The following CYP2B6 variants were observed in gnomAD, a reference collection of about 807,000 sequenced individuals.
CYP2B6 encodes cytochrome P450 2B6.
CYP2B6 carries 35 observed loss-of-function variants against 43.4 expected under a neutral mutation model. That is an observed-to-expected ratio of 0.81 (90% CI 0.62 to 1.07). The LOEUF (loss-of-function observed/expected upper bound fraction) is 1.07, where lower values mean the gene tolerates loss of function less well. CYP2B6 is among the 50% of genes least tolerant of loss of function. The probability of loss-of-function intolerance (pLI) is 0.00; values close to 1 mark genes in which losing one functional copy is unlikely to be tolerated. For synonymous variants in CYP2B6, 239 were observed against 239.2 expected (o/e 1.00, Z 0.01); for missense variants, 624 against 632.8 (o/e 0.99, Z 0.15).
In CYP2B6 at chr19:41,012,279, G is replaced by C. The variant is rs201961061; in HGVS notation, c.965-19G>C. ...ATGCCTCTTTAAAATGAGATTCATT[G>C]GTCTTCTTTTCTGTACAGAGAGAGT... On this transcript the variant is annotated intron_variant, in intron 6 of 8. Coordinates refer to ENST00000324071, the MANE Select transcript of CYP2B6 (RefSeq NM_000767.5). 2 of 1,612,612 alleles carry C rather than the reference G, an allele frequency of 1.2e-6. No individual in the cohort carries two copies. The highest frequency in any genetic ancestry group is 4.5e-5 in the East Asian group (2 of 44,864).
At chr19:41,006,432 G>A (rs1969187993) in intron 3 of CYP2B6, among the ~76,000 whole-genome samples, 1 of 151,120 alleles carries the variant, frequency 6.6e-6, no homozygotes, top group South Asian at 2.1e-4. Context: ...GGGTTTAGAG[G>A]TATGGGCCCC....
chr19:41,000,978 G>C (rs1165919475), intron 1 of CYP2B6, among the ~76,000 whole-genome samples: 2 of 152,064 alleles, frequency 1.3e-5, no homozygotes. Context: ...GGCGGAGTTT[G>C]CCCTGAGCTG....
chr19:41,007,052 C>A lies in CYP2B6; in HGVS notation c.632C>A (p.Ser211Tyr). 1 of 1,614,070 alleles carries A rather than the reference C, an allele frequency of 6.2e-7. No homozygotes were observed. Among genetic ancestry groups the A allele is most frequent in the African/African-American group, 1.3e-5 (1 of 74,968 alleles). ...LFYQTFSLIS[S>Y]VFGQLFELFS... Reference sequence around the variant, plus strand: ...TACCAGACTTTTTCACTCATCAGCTCTGTATTCGGCCAGGTCAGGGAGACG... The same window carrying A: ...TACCAGACTTTTTCACTCATCAGCTATGTATTCGGCCAGGTCAGGGAGACG... Residue 211 changes from serine to tyrosine, a missense_variant, in exon 4 of 9, where the codon TCT becomes TAT. Coordinates refer to ENST00000324071, the MANE Select transcript of CYP2B6 (RefSeq NM_000767.5).
chr19:41,009,986 G>A lies in CYP2B6; in HGVS notation c.823-8G>A, dbSNP rs1328130793. On this transcript the variant is annotated splice_polypyrimidine_tract_variant and splice_region_variant and intron_variant, in intron 5 of 8. Coordinates refer to ENST00000324071, the MANE Select transcript of CYP2B6 (RefSeq NM_000767.5). ...GACCCTCCCCTTCCTTCCCTACTGT[G>A]GACGCAGGAGAAATCCAACGCACAC... is the stretch of plus-strand genomic sequence containing the variant. 4.3e-6 allele frequency: 7 copies of A among 1,614,042 alleles called. No individual in the cohort carries two copies. The highest frequency in any genetic ancestry group is 2.2e-5 in the South Asian group (2 of 91,076).
At chr19:40,998,159 T>TTTAA (rs1231190790) in intron 1 of CYP2B6, among the ~76,000 whole-genome samples, 3 of 151,942 alleles carry the variant, frequency 2.0e-5, no homozygotes, top group Admixed American at 6.6e-5. Context: ...TGTGTATAGG[T>TTTAA]TTAAATGCTG....
chr19:41,005,599 G>A (rs1052269834), intron 3 of CYP2B6, among the ~76,000 whole-genome samples: 9 of 151,994 alleles, frequency 5.9e-5, no homozygotes, highest in African/African-American at 2.2e-4. Flanking sequence ...TGGCCAACAT[G>A]GTGAAACCCC....
chr19:41,015,725 G>C (rs1265224705), intron 8 of CYP2B6, among the ~76,000 whole-genome samples: 1 of 151,932 alleles, frequency 6.6e-6, no homozygotes, highest in Non-Finnish European at 1.5e-5. Context: ...TGAAGCCTGT[G>C]GATCTCAGGC....
At chr19:41,002,428 G>A (rs532410449) in intron 1 of CYP2B6, among the ~76,000 whole-genome samples, 55 of 152,198 alleles carry the variant, frequency 3.6e-4, no homozygotes, top group Middle Eastern at 3.4e-3. Flanking sequence ...TCATGTAATT[G>A]ACATGCAGGC....
chr19:41,006,773 A>G, intron 3 of CYP2B6, 132 bp from the exon 4 acceptor site: 1 of 833,342 alleles, frequency 1.2e-6, no homozygotes, highest in Admixed American at 2.0e-5. Context: ...GTGCTGGTAC[A>G]TAATTAGCTG....
chr19:41,005,169 C>T (rs779441313), intron 3 of CYP2B6, among the ~76,000 whole-genome samples: 4 of 152,078 alleles, frequency 2.6e-5, no homozygotes, highest in Non-Finnish European at 5.9e-5. Context: ...GCAGACAGGC[C>T]AGGTGGGGTG....
intron 1 of CYP2B6, among the ~76,000 whole-genome samples, chr19:40,995,387 G>A (rs554686331): frequency 6.6e-6 from 1 of 152,194 alleles, no homozygotes; most frequent in Admixed American, 6.5e-5. Flanking sequence ...GAAGAACTTG[G>A]CATTGTCCTT....
intron 5 of CYP2B6, chr19:41,009,726 G>A (rs1489885107): frequency 1.8e-5 from 11 of 596,368 alleles, no homozygotes; most frequent in Non-Finnish European, 3.0e-6. Context: ...AAAACTCACA[G>A]AGGCAGAAAG....
At chr19:41,005,828 C>A (rs1969173000) in intron 3 of CYP2B6, among the ~76,000 whole-genome samples, 1 of 151,452 alleles carries the variant, frequency 6.6e-6, no homozygotes, top group Non-Finnish European at 1.5e-5. Context: ...AGGGGGGAGA[C>A]AAATATACAC....
chr19:41,005,230 T>C (rs980187367), intron 3 of CYP2B6, among the ~76,000 whole-genome samples: 14 of 152,052 alleles, frequency 9.2e-5, no homozygotes, highest in Non-Finnish European at 1.2e-4. Context: ...TAGGTTATTT[T>C]TGAGTTCTCC....
At chr19:41,009,606 C>T (rs917513360) in intron 5 of CYP2B6, 48 of 634,180 alleles carry the variant, frequency 7.6e-5, no homozygotes, top group Non-Finnish European at 1.7e-5. Flanking sequence ...GGAACTGAGA[C>T]AGGGAGAGAG....
chr19:41,012,159 A>C, intron 6 of CYP2B6, 139 bp from the exon 7 acceptor site: 1 of 780,278 alleles, frequency 1.3e-6, no homozygotes, highest in East Asian at 2.7e-5. Flanking sequence ...CATGTTGGCC[A>C]GGCTCATCTT....
In CYP2B6 at chr19:41,004,089, C is replaced by T. The variant is rs1196989359; in HGVS notation, c.260C>T (p.Ala87Val). The change falls in exon 2 of 9, where the codon GCC becomes GTC. Residue 87 changes from alanine to valine, a missense_variant. Transcript: ENST00000324071. ...TGTGGAGTAGAGGCCATACGGGAGG[C>T]CCTTGTGGACAAGGCTGAGGCCTTC... ...MLCGVEAIREALVDKAEAFSG... is the reference protein window; with the variant it reads ...MLCGVEAIREVLVDKAEAFSG... The T allele has an allele frequency of 6.2e-7, 1 of 1,613,496 alleles. No individual in the cohort carries two copies. The highest frequency in any genetic ancestry group is 8.5e-7 in the Non-Finnish European group (1 of 1,179,946).
At position 41,012,328 on chromosome 19, in the gene CYP2B6, T is replaced by C. The variant is rs778588713; in HGVS notation, c.995T>C (p.Ile332Thr). The change falls in exon 7 of 9, where the codon ATT (isoleucine) becomes ACT (threonine). Residue 332 changes from isoleucine to threonine, a missense_variant. Transcript: ENST00000324071. Reference protein sequence around the residue: ...ERVYREIEQVIGPHRPPELHD... With the variant: ...ERVYREIEQVTGPHRPPELHD... ...GTCTACAGGGAGATTGAACAGGTGA[T>C]TGGCCCACATCGCCCTCCAGAGCTT... is the stretch of plus-strand genomic sequence containing the variant. 1 of 1,614,154 alleles carries C rather than the reference T, an allele frequency of 6.2e-7. No homozygotes were observed. Among genetic ancestry groups the C allele is most frequent in the Non-Finnish European group, 8.5e-7 (1 of 1,180,022 alleles).
chr19:41,009,991 C>A lies in CYP2B6; in HGVS notation c.823-3C>A, dbSNP rs76471702. ...TCCCCTTCCTTCCCTACTGTGGACG[C>A]AGGAGAAATCCAACGCACACAGTGA... On this transcript the variant is annotated splice_polypyrimidine_tract_variant and splice_region_variant and intron_variant, in intron 5 of 8. Coordinates refer to ENST00000324071, the MANE Select transcript of CYP2B6 (RefSeq NM_000767.5). 6.2e-7 allele frequency: 1 copy of A among 1,614,112 alleles called. No homozygotes were observed. The highest frequency in any genetic ancestry group is 1.1e-5 in the South Asian group (1 of 91,078).
Sources: allele counts gnomAD v4.1 joint callset (sites outside exome capture counted in the v4.1 genomes callset), GRCh38; gene constraint gnomAD v4.1.1; transcripts MANE v1.5; gene names NCBI Gene and HGNC (gene_info 2026-07-23, HGNC 2026-07-21).